Variants in OMA1 observed in about 807,000 individuals in gnomAD.
OMA1 encodes the protein metalloendopeptidase OMA1, mitochondrial.
A neutral mutation model predicts 30.9 loss-of-function variants in OMA1; 38 were observed. The observed-to-expected ratio is 1.23, with a 90% CI of 0.95 to 1.61. OMA1 has a LOEUF of 1.61. OMA1 is among the 40% of genes most tolerant of loss of function. The probability of loss-of-function intolerance (pLI) is 0.00; values close to 1 mark genes in which losing one functional copy is unlikely to be tolerated. For missense variants in OMA1, 461 were observed against 349.2 expected (o/e 1.32, Z -2.55); for synonymous variants, 173 against 121.9 (o/e 1.42, Z -2.76).
At chr1:58,543,503 G>A (rs1646654062) in intron 1 of OMA1, among the ~76,000 whole-genome samples, 1 of 151,978 alleles carries the variant, frequency 6.6e-6, no homozygotes, top group African/African-American at 2.4e-5. Flanking sequence ...TTATGGTGTT[G>A]ATCACTACCC....
At chr1:58,517,648 T>G (rs949152420) in intron 7 of OMA1, among the ~76,000 whole-genome samples, 4 of 152,192 alleles carry the variant, frequency 2.6e-5, no homozygotes, top group African/African-American at 9.7e-5. Context: ...TTTCTGTCTC[T>G]TGAATTCTAA....
At chr1:58,518,656 GT>G (rs890299741) in intron 7 of OMA1, among the ~76,000 whole-genome samples, 42 of 151,220 alleles carry the variant, frequency 2.8e-4, no homozygotes, top group African/African-American at 9.0e-4. Context: ...GGACTCCAGG[GT>G]TTTTTTTCCA....
At chr1:58,494,661 T>C (rs1447838070) in intron 8 of OMA1, among the ~76,000 whole-genome samples, 1 of 151,822 alleles carries the variant, frequency 6.6e-6, no homozygotes, top group Non-Finnish European at 1.5e-5. Context: ...AAAAGACACA[T>C]GAAAAAATGC....
intron 8 of OMA1, among the ~76,000 whole-genome samples, chr1:58,489,357 T>G (rs1374811666): frequency 1.3e-5 from 2 of 152,144 alleles, no homozygotes; most frequent in Admixed American, 1.3e-4. Context: ...AGCACAGCAG[T>G]CTGAGATCAA....
intron 5 of OMA1, among the ~76,000 whole-genome samples, chr1:58,532,889 T>C (rs543360166): frequency 1.4e-4 from 21 of 152,322 alleles, no homozygotes; most frequent in African/African-American, 4.8e-4. Flanking sequence ...TTACTTTCAG[T>C]GTTTCAGAAA....
At chr1:58,517,322 T>C (rs991874670) in intron 7 of OMA1, among the ~76,000 whole-genome samples, 3 of 152,242 alleles carry the variant, frequency 2.0e-5, no homozygotes, top group African/African-American at 7.2e-5. Flanking sequence ...ATTGGTGCTC[T>C]TGAATTCTGT....
chr1:58,504,683 C>T (rs530663717), intron 8 of OMA1, among the ~76,000 whole-genome samples: 1 of 152,152 alleles, frequency 6.6e-6, no homozygotes, highest in African/African-American at 2.4e-5. Context: ...CAATAAATAT[C>T]GATCTACCTA....
intron 8 of OMA1, among the ~76,000 whole-genome samples, chr1:58,502,719 T>C (rs1431465835): frequency 6.6e-6 from 1 of 152,214 alleles, no homozygotes; most frequent in East Asian, 1.9e-4. Flanking sequence ...TAATAGGGAA[T>C]TCCAATCTTT....
chr1:58,524,583 A>T lies in OMA1; in HGVS notation c.1215+2678T>A, dbSNP rs190449627. Reference sequence around the variant, plus strand: ...GCAAGGTTTTCATGCTTGCTGGTAGAGTTGCAGCTATGACTTCACAAATTT... The same window carrying T: ...GCAAGGTTTTCATGCTTGCTGGTAGTGTTGCAGCTATGACTTCACAAATTT... On this transcript the variant is annotated intron_variant, in intron 7 of 8. Coordinates refer to ENST00000371226, the MANE Select transcript of OMA1 (RefSeq NM_145243.5). Among the ~76,000 whole-genome samples, 10 of 152,374 alleles carry T rather than the reference A, an allele frequency of 6.6e-5. No individual in the cohort carries two copies. In the East Asian group the frequency reaches 1.9e-3, roughly 29 times the overall value.
intron 7 of OMA1, among the ~76,000 whole-genome samples, chr1:58,519,611 C>T (rs1646228950): frequency 6.6e-6 from 1 of 152,162 alleles, no homozygotes; most frequent in Non-Finnish European, 1.5e-5. Flanking sequence ...GCCAACAGAA[C>T]TGTTTATATG....
intron 7 of OMA1, among the ~76,000 whole-genome samples, chr1:58,514,816 TA>T (rs1373560605): frequency 6.6e-6 from 1 of 152,138 alleles, no homozygotes; most frequent in African/African-American, 2.4e-5. Context: ...CAGGCAAATA[TA>T]AGATGGAAAG....
chr1:58,520,743 C>A (rs1292313246), intron 7 of OMA1, among the ~76,000 whole-genome samples: 1 of 151,950 alleles, frequency 6.6e-6, no homozygotes, highest in African/African-American at 2.4e-5. Context: ...AGAAAAGGAC[C>A]AATCCACTAG....
At chr1:58,485,228 TAAAAAAAAAAAAA>T (rs71043289) in intron 8 of OMA1, among the ~76,000 whole-genome samples, 1 of 42,036 alleles carries the variant, frequency 2.4e-5, no homozygotes, top group Non-Finnish European at 4.1e-5. Context: ...AGTCTACTAC[TAAAAAAAAAAAAA>T]AAAAAAAAAA....
intron 7 of OMA1, among the ~76,000 whole-genome samples, chr1:58,513,689 T>C (rs1267336153): frequency 3.9e-5 from 6 of 152,238 alleles, no homozygotes; most frequent in Non-Finnish European, 8.8e-5. Flanking sequence ...CTGATTATTT[T>C]ATTTATTAAC....
intron 8 of OMA1, among the ~76,000 whole-genome samples, chr1:58,504,651 T>C (rs1200726784): frequency 1.3e-5 from 2 of 152,208 alleles, no homozygotes; most frequent in Admixed American, 6.5e-5. Context: ...GAACACAGAA[T>C]AGTAGATTAA....
chr1:58,493,924 G>C (rs531990726), intron 8 of OMA1, among the ~76,000 whole-genome samples: 2 of 147,190 alleles, frequency 1.4e-5, no homozygotes, highest in East Asian at 2.0e-4. Context: ...CTACTTTAAA[G>C]TTCATATGGT....
intron 8 of OMA1, among the ~76,000 whole-genome samples, chr1:58,489,858 C>T (rs1456572618): frequency 6.6e-6 from 1 of 152,172 alleles, no homozygotes; most frequent in Non-Finnish European, 1.5e-5. Flanking sequence ...CCAGCAAACT[C>T]CAACAGACCT....
intron 8 of OMA1, among the ~76,000 whole-genome samples, chr1:58,490,232 C>A (rs971513202): frequency 1.3e-5 from 2 of 152,138 alleles, no homozygotes; most frequent in Non-Finnish European, 2.9e-5. Flanking sequence ...ATAACCAATG[C>A]AGAGAAGTCC....
intron 7 of OMA1, among the ~76,000 whole-genome samples, chr1:58,513,970 G>T (rs1050499150): frequency 1.3e-5 from 2 of 152,144 alleles, no homozygotes; most frequent in African/African-American, 4.8e-5. Context: ...TAGTCTCTAG[G>T]AGTCTCAGAT....
Sources: gnomAD v4.1 joint callset for allele counts (sites outside exome capture counted in the v4.1 genomes callset) on GRCh38, gnomAD v4.1.1 for gene constraint, MANE v1.5 for transcripts, NCBI Gene and HGNC (gene_info 2026-07-23, HGNC 2026-07-21) for gene names.